Variants in CEP112 observed in about 807,000 individuals in gnomAD.
The protein encoded by CEP112 is centrosomal protein of 112 kDa.
A neutral mutation model predicts 153.0 loss-of-function variants in CEP112; 127 were observed. The ratio of observed to expected loss-of-function variants is 0.83; its 90% CI spans 0.72 to 0.96. The LOEUF (loss-of-function observed/expected upper bound fraction) is 0.96, where lower values mean the gene tolerates loss of function less well. Among genes scored for constraint, CEP112 ranks in the 40% least tolerant of loss-of-function variants. The probability of loss-of-function intolerance (pLI) is 0.00; values close to 1 mark genes in which losing one functional copy is unlikely to be tolerated. For missense variants in CEP112, 1,089 were observed against 1,101.2 expected (o/e 0.99, Z 0.16); for synonymous variants, 358 against 374.4 (o/e 0.96, Z 0.51).
rs2059892661 is a variant in CEP112, at chr17:65,902,187, T to A, written c.2128A>T (p.Asn710Tyr). 6.2e-7 allele frequency: 1 copy of A among 1,613,920 alleles called. No individual in the cohort carries two copies. Among genetic ancestry groups the A allele is most frequent in the Non-Finnish European group, 8.5e-7 (1 of 1,179,924 alleles). The stretch of plus-strand genomic sequence containing the variant: ...CGTTTCTTGAACTCCTGAATTTGAT[T>A]TTCGTGCTCCATATTGGCAGCGCGA... ...QLRAANMEHE[N>Y]QIQEFKKRDA... Residue 710 changes from asparagine to tyrosine, a missense_variant, in exon 20 of 27, where the codon AAT becomes TAT. By Grantham distance (143) the Asn-to-Tyr change is moderately radical. Coordinates refer to ENST00000535342, the MANE Select transcript of CEP112 (RefSeq NM_001199165.4).
chr17:65,676,062 G>T (rs1039579886), intron 24 of CEP112, among the ~76,000 whole-genome samples: 1 of 152,188 alleles, frequency 6.6e-6, no homozygotes, highest in Admixed American at 6.5e-5. Flanking sequence ...TTTAAGGCCA[G>T]GCGCAGTGGT....
At chr17:66,130,858 G>A (rs2146532085) in intron 5 of CEP112, among the ~76,000 whole-genome samples, 1 of 147,806 alleles carries the variant, frequency 6.8e-6, no homozygotes, top group East Asian at 2.0e-4. Flanking sequence ...TTTCCCTCCT[G>A]TATAATTTTT....
intron 20 of CEP112, among the ~76,000 whole-genome samples, chr17:65,871,178 G>A (rs1598838887): frequency 6.6e-6 from 1 of 152,284 alleles, no homozygotes; most frequent in African/African-American, 2.4e-5. Context: ...TTTTAACAAT[G>A]AGATGAAAGA....
chr17:65,879,649 T>C (rs1341990383), intron 20 of CEP112, among the ~76,000 whole-genome samples: 13 of 151,924 alleles, frequency 8.6e-5, no homozygotes, highest in Admixed American at 5.9e-4. Flanking sequence ...TTTCAGAGAA[T>C]AGAACTTAAA....
chr17:65,892,491 G>A (rs541345919), intron 20 of CEP112, among the ~76,000 whole-genome samples: 4 of 151,490 alleles, frequency 2.6e-5, no homozygotes, highest in African/African-American at 4.8e-5. Context: ...ATGTTTTTAC[G>A]AAACACCAAC....
intron 23 of CEP112, among the ~76,000 whole-genome samples, chr17:65,693,056 T>G (rs1445779927): frequency 6.6e-6 from 1 of 152,192 alleles, no homozygotes; most frequent in Non-Finnish European, 1.5e-5. Context: ...TGATAATAAT[T>G]GATAATATAT....
At chr17:65,929,362 T>C (rs770945728) in intron 18 of CEP112, among the ~76,000 whole-genome samples, 2 of 152,208 alleles carry the variant, frequency 1.3e-5, no homozygotes, top group Non-Finnish European at 2.9e-5. Context: ...TCCACCTACC[T>C]GCTGCCCAGG....
intron 21 of CEP112, among the ~76,000 whole-genome samples, chr17:65,821,513 A>C (rs1303731547): frequency 1.2e-5 from 1 of 84,684 alleles, no homozygotes; most frequent in Non-Finnish European, 2.3e-5. Context: ...TATATATATA[A>C]TTATATATAT....
intron 17 of CEP112, among the ~76,000 whole-genome samples, chr17:65,967,466 T>C (rs767913797): frequency 2.0e-5 from 3 of 152,102 alleles, no homozygotes; most frequent in Admixed American, 6.6e-5. Context: ...TCAAATACTA[T>C]AGAAAACATA....
At chr17:65,784,960 C>G (rs1009628292) in intron 21 of CEP112, among the ~76,000 whole-genome samples, 3 of 152,146 alleles carry the variant, frequency 2.0e-5, no homozygotes, top group Non-Finnish European at 2.9e-5. Flanking sequence ...AAAAAAGAAC[C>G]CATCCCTATT....
chr17:65,951,741 C>G (rs7220993), intron 18 of CEP112, among the ~76,000 whole-genome samples: 34,828 of 106,198 alleles, frequency 0.33, 7,883 homozygotes, highest in East Asian at 0.86. Context: ...TAATCTTCCC[C>G]CGCCCCCCCC....
At position 65,855,594 on chromosome 17, in the gene CEP112, C is replaced by CTAAAGG. The variant is rs567836276; in HGVS notation, c.2164-3566_2164-3561dup. On this transcript the variant is annotated intron_variant, in intron 20 of 26. Transcript: ENST00000535342. ...ATAAGCTCATCCAACAGGTCAGGGA[C>CTAAAGG]TAAAGGTGGGCTTCTGCTCTTCCCC... Among the ~76,000 whole-genome samples the CTAAAGG allele has an allele frequency of 4.1e-4, 62 of 152,234 alleles. 1 individual carries two copies. In the East Asian group the frequency reaches 0.01, roughly 26 times the overall value.
intron 6 of CEP112, among the ~76,000 whole-genome samples, chr17:66,104,124 G>T (rs564056941): frequency 6.6e-6 from 1 of 152,272 alleles, no homozygotes; most frequent in Admixed American, 6.5e-5. Flanking sequence ...GGGCTTGGGG[G>T]TGCATGTGAC....
chr17:65,834,215 G>T (rs138631957), intron 21 of CEP112, among the ~76,000 whole-genome samples: 1,577 of 152,196 alleles, frequency 0.01, 12 homozygotes, highest in Non-Finnish European at 0.014. Context: ...AATAATTAAA[G>T]ACTTAAATGT....
intron 18 of CEP112, among the ~76,000 whole-genome samples, chr17:65,960,955 T>A (rs1244619591): frequency 6.6e-6 from 1 of 152,072 alleles, no homozygotes; most frequent in Non-Finnish European, 1.5e-5. Context: ...GGTACCCAGG[T>A]GTTTGTAATA....
chr17:65,807,011 C>T (rs2055646688), intron 21 of CEP112, among the ~76,000 whole-genome samples: 1 of 152,104 alleles, frequency 6.6e-6, no homozygotes, highest in Non-Finnish European at 1.5e-5. Context: ...CGTTTGGAAC[C>T]TCATAGAGAT....
intron 6 of CEP112, among the ~76,000 whole-genome samples, chr17:66,113,168 A>G (rs1017193522): frequency 3.3e-5 from 5 of 152,290 alleles, no homozygotes; most frequent in Admixed American, 3.3e-4. Flanking sequence ...TCCAGCAGGC[A>G]GCAAAGTACA....
At chr17:65,912,199 C>T (rs2060315188) in intron 19 of CEP112, among the ~76,000 whole-genome samples, 1 of 152,166 alleles carries the variant, frequency 6.6e-6, no homozygotes, top group Non-Finnish European at 1.5e-5. Context: ...TATCTTATCT[C>T]TCAGAACACA....
At chr17:65,682,529 C>T (rs887397754) in intron 24 of CEP112, among the ~76,000 whole-genome samples, 5 of 152,194 alleles carry the variant, frequency 3.3e-5, no homozygotes, top group Non-Finnish European at 7.3e-5. Context: ...CCATTGCTGA[C>T]AACTGCTTTC....
Sources: allele counts gnomAD v4.1 joint callset (sites outside exome capture counted in the v4.1 genomes callset), GRCh38; gene constraint gnomAD v4.1.1; transcripts MANE v1.5; gene names NCBI Gene and HGNC (gene_info 2026-07-23, HGNC 2026-07-21).